POLA1: variants seen among roughly 807,000 people sequenced by gnomAD.
POLA1 encodes the protein DNA polymerase alpha catalytic subunit.
POLA1 carries 15 observed loss-of-function variants against 124.0 expected under a neutral mutation model. That is an observed-to-expected ratio of 0.12 (90% CI 0.08 to 0.19). The LOEUF (loss-of-function observed/expected upper bound fraction) is 0.19. Ranked by LOEUF, POLA1 falls within the 10% of genes least tolerant of loss-of-function variation. The pLI is 1.00. For synonymous variants in POLA1, 408 were observed against 389.4 expected (o/e 1.05, Z -0.56); for missense variants, 886 against 1,103.4 (o/e 0.80, Z 2.79).
At chrX:24,944,594 G>A (rs1350161927) in intron 36 of POLA1, among the ~76,000 whole-genome samples, 1 of 111,956 alleles carries the variant, frequency 8.9e-6, no homozygotes, top group African/African-American at 3.2e-5. Flanking sequence ...TTTCATTGCA[G>A]CAGAGTGTCA....
At chrX:24,797,091 C>A (rs950118033) in intron 26 of POLA1, among the ~76,000 whole-genome samples, 1 of 111,114 alleles carries the variant, frequency 9.0e-6, no homozygotes, top group Non-Finnish European at 1.9e-5. Flanking sequence ...ACACTGCCCC[C>A]CTCAAGTATT....
chrX:24,980,505 A>G (rs939902038), intron 36 of POLA1, among the ~76,000 whole-genome samples: 2 of 112,342 alleles, frequency 1.8e-5, no homozygotes, highest in African/African-American at 3.2e-5. Flanking sequence ...TGTAATGTGC[A>G]GTAGTTACAA....
chrX:24,810,475 C>T (rs1163906299), intron 27 of POLA1, among the ~76,000 whole-genome samples: 4 of 111,397 alleles, frequency 3.6e-5, no homozygotes, highest in Non-Finnish European at 7.5e-5. Context: ...TTCCACTCCA[C>T]TCTCTATTTT....
intron 26 of POLA1, among the ~76,000 whole-genome samples, chrX:24,767,386 A>T (rs967817991): frequency 8.9e-6 from 1 of 111,777 alleles, no homozygotes; most frequent in Non-Finnish European, 1.9e-5. Flanking sequence ...GGTATCAGTT[A>T]TGAACTTCCA....
intron 36 of POLA1, among the ~76,000 whole-genome samples, chrX:24,970,498 CTA>C (rs2048289004): frequency 1.8e-5 from 2 of 111,574 alleles, no homozygotes; most frequent in Admixed American, 9.5e-5. Context: ...GCAAAAGAAA[CTA>C]TCATCAGAGT....
At chrX:24,851,522 C>T (rs1459452555) in intron 34 of POLA1, among the ~76,000 whole-genome samples, 1 of 113,121 alleles carries the variant, frequency 8.8e-6, no homozygotes, top group Non-Finnish European at 1.9e-5. Flanking sequence ...CTGACTGGGG[C>T]ATGAGTCCAG....
chrX:24,855,178 A>G, intron 34 of POLA1, among the ~76,000 whole-genome samples: 1 of 111,632 alleles, frequency 9.0e-6, no homozygotes, highest in Non-Finnish European at 1.9e-5. Context: ...AGTGGTAGGG[A>G]TATGGGTGTT....
intron 26 of POLA1, among the ~76,000 whole-genome samples, chrX:24,749,536 G>GT (rs1004106337): frequency 3.3e-4 from 36 of 110,154 alleles, no homozygotes; most frequent in Middle Eastern, 9.2e-3. Context: ...ACTTAAGAGA[G>GT]TTTTTTTTTG....
chrX:24,962,740 A>G (rs181803401), intron 36 of POLA1, among the ~76,000 whole-genome samples: 6 of 111,730 alleles, frequency 5.4e-5, no homozygotes, highest in African/African-American at 2.0e-4. Context: ...GATTCATAGG[A>G]CTGTTCGTGT....
chrX:24,832,146 AG>A (rs59523232), intron 32 of POLA1, among the ~76,000 whole-genome samples: 48,753 of 110,293 alleles, frequency 0.44, 8,722 homozygotes, highest in East Asian at 0.65. Flanking sequence ...AGTTTATAAA[AG>A]TAGAGGCATT....
At chrX:24,804,496 T>C (rs1602416053) in intron 26 of POLA1, among the ~76,000 whole-genome samples, 1 of 112,121 alleles carries the variant, frequency 8.9e-6, no homozygotes, top group Non-Finnish European at 1.9e-5. Flanking sequence ...TCATCGGTAA[T>C]GGAAGAATCC....
intron 26 of POLA1, among the ~76,000 whole-genome samples, chrX:24,760,286 C>A (rs968806729): frequency 6.3e-5 from 7 of 111,144 alleles, no homozygotes; most frequent in African/African-American, 2.3e-4. Context: ...CACTAGAAAA[C>A]CAAAATATTG....
At chrX:24,786,440 C>T (rs2045362607) in intron 26 of POLA1, among the ~76,000 whole-genome samples, 1 of 111,407 alleles carries the variant, frequency 9.0e-6, no homozygotes, top group African/African-American at 3.3e-5. Context: ...ACCTATTGGC[C>T]GTTTCTGTGT....
At chrX:24,896,140 G>C (rs183383911) in intron 35 of POLA1, among the ~76,000 whole-genome samples, 1 of 111,636 alleles carries the variant, frequency 9.0e-6, no homozygotes, top group East Asian at 2.8e-4. Context: ...GGGCAGTTTT[G>C]CCCCCCAGGG....
chrX:24,882,577 T>C (rs1269075628), intron 34 of POLA1, among the ~76,000 whole-genome samples: 2 of 111,432 alleles, frequency 1.8e-5, no homozygotes, highest in Non-Finnish European at 1.9e-5. Context: ...TATTTGGTTT[T>C]CTGTTCCTGC....
intron 30 of POLA1, among the ~76,000 whole-genome samples, chrX:24,819,621 G>T (rs2046052803): frequency 9.0e-6 from 1 of 111,548 alleles, no homozygotes; most frequent in African/African-American, 3.3e-5. Flanking sequence ...GTACTCAAGG[G>T]TTGAGAGCTG....
intron 36 of POLA1, among the ~76,000 whole-genome samples, chrX:24,969,273 A>G (rs2048270437): frequency 9.0e-6 from 1 of 110,880 alleles, no homozygotes; most frequent in African/African-American, 3.3e-5. Context: ...GGTATTCTTC[A>G]TTCTGTTGAG....
chrX:24,779,173 G>T (rs751360679), intron 26 of POLA1, among the ~76,000 whole-genome samples: 2 of 110,255 alleles, frequency 1.8e-5, no homozygotes, highest in South Asian at 4.0e-4. Context: ...CTGCCTCCCG[G>T]GTTCAAGCAA....
chrX:24,889,660 G>C (rs1448989742), intron 35 of POLA1, among the ~76,000 whole-genome samples: 1 of 112,067 alleles, frequency 8.9e-6, no homozygotes, highest in Non-Finnish European at 1.9e-5. Context: ...GAAAAGGGTT[G>C]ATACACAGAC....
Sources: gnomAD v4.1 joint callset for allele counts (sites outside exome capture counted in the v4.1 genomes callset) on GRCh38, gnomAD v4.1.1 for gene constraint, MANE v1.5 for transcripts, NCBI Gene and HGNC (gene_info 2026-07-23, HGNC 2026-07-21) for gene names.